The following PPFIA2 variants were observed in gnomAD, a reference collection of about 807,000 sequenced individuals.
The protein encoded by PPFIA2 is PPFI scaffold protein A2.
A neutral mutation model predicts 175.5 loss-of-function variants in PPFIA2; 46 were observed. The ratio of observed to expected loss-of-function variants is 0.26; its 90% confidence interval spans 0.21 to 0.34. The LOEUF (loss-of-function observed/expected upper bound fraction) is 0.34, where lower values mean the gene tolerates loss of function less well. Ranked by LOEUF, PPFIA2 falls within the 10% of genes least tolerant of loss-of-function variation. PPFIA2 has a pLI of 1.00. For synonymous variants in PPFIA2, 568 were observed against 511.4 expected (o/e 1.11, Z -1.49); for missense variants, 1,179 against 1,506.1 (o/e 0.78, Z 3.60).
intron 3 of PPFIA2, among the ~76,000 whole-genome samples, chr12:81,677,931 G>C (rs550427569): frequency 1.1e-4 from 16 of 151,884 alleles, no homozygotes; most frequent in Admixed American, 9.2e-4. Flanking sequence ...TTATTCAAAA[G>C]AAGTTGCAAT....
intron 4 of PPFIA2, among the ~76,000 whole-genome samples, chr12:81,493,452 G>A (rs2059630560): frequency 6.6e-6 from 1 of 151,818 alleles, no homozygotes; most frequent in Non-Finnish European, 1.5e-5. Flanking sequence ...GTGTGTTACT[G>A]GGAGCCTGGA....
In PPFIA2 at chr12:81,270,330, G is replaced by A. The variant is rs2038718452; in HGVS notation, c.3311-2243C>T. 6.6e-5 allele frequency among the ~76,000 whole-genome samples: 10 copies of A among 152,176 alleles called. No homozygotes were observed. The South Asian group carries it at 2.1e-3, about 32-fold the overall frequency. On this transcript the variant is annotated intron_variant, in intron 28 of 32. Coordinates refer to ENST00000549396, the MANE Select transcript of PPFIA2 (RefSeq NM_003625.5). ...TTGCTTTTTTTAGTCATTATGGTAG[G>A]TGTGGTATTATGGGTTGAATTGTGT...
intron 4 of PPFIA2, among the ~76,000 whole-genome samples, chr12:81,552,333 T>G (rs2068064083): frequency 6.6e-6 from 1 of 151,774 alleles, no homozygotes. Flanking sequence ...TGTGTCCCCT[T>G]CTAAGTGTAA....
intron 4 of PPFIA2, among the ~76,000 whole-genome samples, chr12:81,642,568 C>T (rs1379866391): frequency 7.0e-6 from 1 of 142,708 alleles, no homozygotes; most frequent in Non-Finnish European, 1.5e-5. Flanking sequence ...AGCATTGCCC[C>T]TTATTATAAA....
chr12:81,604,490 T>C (rs1299112978), intron 4 of PPFIA2, among the ~76,000 whole-genome samples: 2 of 151,792 alleles, frequency 1.3e-5, no homozygotes, highest in African/African-American at 4.8e-5. Flanking sequence ...TTTTAACATC[T>C]TTCTTTAGTT....
chr12:81,454,156 G>C (rs1195131819), intron 5 of PPFIA2, among the ~76,000 whole-genome samples: 4 of 152,084 alleles, frequency 2.6e-5, no homozygotes, highest in Admixed American at 1.3e-4. Flanking sequence ...GGAACTCTAG[G>C]CTGCAGTGAA....
chr12:81,756,300 T>G (rs550530266), intron 2 of PPFIA2, among the ~76,000 whole-genome samples: 1 of 152,246 alleles, frequency 6.6e-6, no homozygotes, highest in South Asian at 2.1e-4. Context: ...CCTTCTTGAA[T>G]GAAAGTTATT....
intron 4 of PPFIA2, among the ~76,000 whole-genome samples, chr12:81,636,469 G>T (rs1275231966): frequency 5.3e-5 from 8 of 150,606 alleles, no homozygotes; most frequent in South Asian, 2.1e-4. Context: ...GTTTCACTGT[G>T]TTAGCCAGGA....
At chr12:81,584,935 ATATAT>A (rs1427413135) in intron 4 of PPFIA2, among the ~76,000 whole-genome samples, 2 of 113,200 alleles carry the variant, frequency 1.8e-5, no homozygotes, top group African/African-American at 7.0e-5. Context: ...TTTATATATA[ATATAT>A]TATATATTAA....
chr12:81,368,998 C>A, intron 12 of PPFIA2, 113 bp downstream of exon 12: 1 of 1,270,414 alleles, frequency 7.9e-7, no homozygotes, highest in Non-Finnish European at 1.1e-6. Flanking sequence ...GTCAACAGGT[C>A]ATATTTGTAA....
At chr12:81,482,126 C>T (rs1332933465) in intron 4 of PPFIA2, among the ~76,000 whole-genome samples, 1 of 151,606 alleles carries the variant, frequency 6.6e-6, no homozygotes, top group Non-Finnish European at 1.5e-5. Flanking sequence ...GGCCAACAAA[C>T]ATGAAAAAAA....
At chr12:81,680,279 T>G (rs2073367807) in intron 3 of PPFIA2, among the ~76,000 whole-genome samples, 1 of 152,012 alleles carries the variant, frequency 6.6e-6, no homozygotes, top group Admixed American at 6.6e-5. Flanking sequence ...AGTTGCTATG[T>G]GCCAGGTACT....
At chr12:81,347,216 G>T (rs982383821) in intron 18 of PPFIA2, among the ~76,000 whole-genome samples, 1 of 151,762 alleles carries the variant, frequency 6.6e-6, no homozygotes, top group African/African-American at 2.4e-5. Flanking sequence ...GCCTCCAAAA[G>T]CGCTAGGATT....
At chr12:81,495,067 C>T (rs955250435) in intron 4 of PPFIA2, among the ~76,000 whole-genome samples, 5 of 151,584 alleles carry the variant, frequency 3.3e-5, no homozygotes, top group Non-Finnish European at 7.4e-5. Flanking sequence ...ACATTGTGCA[C>T]ATGTACCCTA....
At chr12:81,338,914 C>A (rs539275037) in intron 21 of PPFIA2, among the ~76,000 whole-genome samples, 1 of 152,156 alleles carries the variant, frequency 6.6e-6, no homozygotes, top group South Asian at 2.1e-4. Context: ...CTGTGCCTGT[C>A]ACAAGAGTTA....
intron 28 of PPFIA2, among the ~76,000 whole-genome samples, chr12:81,276,398 T>C (rs2040539581): frequency 6.6e-6 from 1 of 152,190 alleles, no homozygotes. Flanking sequence ...AAAACCGCAC[T>C]TGAACCCTTT....
At chr12:81,692,109 GACACACACACACACAC>G in intron 3 of PPFIA2, among the ~76,000 whole-genome samples, 1 of 149,410 alleles carries the variant, frequency 6.7e-6, no homozygotes, top group African/African-American at 2.5e-5. Flanking sequence ...CACAAACACA[GACACACACACACACAC>G]ACACACACAA....
intron 4 of PPFIA2, among the ~76,000 whole-genome samples, chr12:81,650,034 G>A (rs1366389460): frequency 4.0e-5 from 6 of 151,580 alleles, no homozygotes; most frequent in African/African-American, 1.5e-4. Context: ...TCCTGAGACG[G>A]AGTCTTGCTC....
At chr12:81,433,592 CA>C (rs1160048502) in intron 7 of PPFIA2, among the ~76,000 whole-genome samples, 2 of 152,068 alleles carry the variant, frequency 1.3e-5, no homozygotes, top group African/African-American at 4.8e-5. Context: ...AAAGACGAAA[CA>C]ACTTGTTCAT....
Sources: gnomAD v4.1 joint callset for allele counts (sites outside exome capture counted in the v4.1 genomes callset) on GRCh38, gnomAD v4.1.1 for gene constraint, MANE v1.5 for transcripts, NCBI Gene and HGNC (gene_info 2026-07-23, HGNC 2026-07-21) for gene names.